Variants in GSPT1 observed in about 807,000 individuals in gnomAD.
The protein encoded by GSPT1 is eukaryotic peptide chain release factor GTP-binding subunit ERF3A.
A neutral mutation model predicts 72.5 loss-of-function variants in GSPT1; 20 were observed. The observed-to-expected ratio is 0.28, with a 90% CI of 0.19 to 0.40. The LOEUF is 0.40. Ranked by LOEUF, GSPT1 falls within the 10% of genes least tolerant of loss-of-function variation. The pLI is 1.00. For synonymous variants in GSPT1, 334 were observed against 293.5 expected, an observed-to-expected ratio of 1.14 and a Z score of -1.41; for missense variants, 580 against 811.9, an observed-to-expected ratio of 0.71 and a Z score of 3.47.
chr16:11,896,320 C>T (rs990675297), intron 4 of GSPT1, among the ~76,000 whole-genome samples: 9 of 152,108 alleles, frequency 5.9e-5, no homozygotes, highest in East Asian at 1.9e-4. Context: ...TTATATGTTA[C>T]GTACAATATA....
Position 11,873,173 on chromosome 16 carries a change from T to C in GSPT1, c.1862-2A>G. 1 of 1,541,574 alleles carries C rather than the reference T, an allele frequency of 6.5e-7. No homozygotes were observed. Among genetic ancestry groups the C allele is most frequent in the Non-Finnish European group, 9.0e-7 (1 of 1,115,774 alleles). On this transcript the variant is annotated splice_acceptor_variant, in intron 14 of 14. Coordinates refer to ENST00000434724, the MANE Select transcript of GSPT1 (RefSeq NM_002094.4). LOFTEE classifies it high-confidence loss of function. ...CTTTTCCAATTGCAATGGTCTTACC[T>C]AGAAATGAAATTTTAAAAAAATCTT...
chr16:11,898,131 G>A (rs2054363028), intron 1 of GSPT1, 96 bp from the exon 2 acceptor site: 6 of 755,952 alleles, frequency 7.9e-6, no homozygotes, highest in Admixed American at 2.1e-5. Flanking sequence ...TCAATAACAC[G>A]ACACAAGCCT....
At chr16:11,909,874 C>T (rs186624648) in intron 1 of GSPT1, among the ~76,000 whole-genome samples, 2 of 152,036 alleles carry the variant, frequency 1.3e-5, no homozygotes, top group East Asian at 3.9e-4. Context: ...TACGGTGAGC[C>T]GAGTTAGGGC....
chr16:11,900,924 G>A (rs1201919357), intron 1 of GSPT1, among the ~76,000 whole-genome samples: 13 of 152,148 alleles, frequency 8.5e-5, no homozygotes, highest in Admixed American at 8.5e-4. Context: ...ACCTCTGGGA[G>A]TCCAAGGTGG....
At chr16:11,875,159 A>G (rs568066185) in intron 14 of GSPT1, among the ~76,000 whole-genome samples, 7 of 152,282 alleles carry the variant, frequency 4.6e-5, no homozygotes, top group African/African-American at 1.7e-4. Context: ...ACTGCACTCC[A>G]GCCTGGGTGA....
chr16:11,901,620 A>AATAAAT, intron 1 of GSPT1, among the ~76,000 whole-genome samples: 1 of 147,230 alleles, frequency 6.8e-6, no homozygotes, highest in East Asian at 2.0e-4. Context: ...CACACACAAA[A>AATAAAT]ATATATATAT....
In GSPT1 at chr16:11,887,039, G is replaced by A. The variant is rs922689943; in HGVS notation, c.958-108C>T. 19 of 520,002 alleles carry A rather than the reference G, an allele frequency of 3.7e-5. No homozygotes were observed. In the South Asian group the frequency reaches 4.7e-4, roughly 13 times the overall value. 32.2% of individuals were successfully genotyped at this position (520,002 alleles called of 1,614,324 possible). On this transcript the variant is annotated intron_variant, in intron 7 of 14. Transcript: ENST00000434724. ...ATCACGAGTTTTTTTTTTTTTTTTT[G>A]CAAGAAAATAGAAGCAAACGAGTTA... is the stretch of plus-strand genomic sequence containing the variant.
intron 1 of GSPT1, among the ~76,000 whole-genome samples, chr16:11,905,167 G>C (rs1337230611): frequency 6.6e-6 from 1 of 152,198 alleles, no homozygotes; most frequent in Non-Finnish European, 1.5e-5. Flanking sequence ...ATCTGTCACA[G>C]AAGTGTCTCA....
intron 1 of GSPT1, among the ~76,000 whole-genome samples, chr16:11,911,308 G>T (rs2054553634): frequency 6.6e-6 from 1 of 152,180 alleles, no homozygotes; most frequent in Non-Finnish European, 1.5e-5. Flanking sequence ...TTAAAACTGA[G>T]AATATTCTAA....
intron 1 of GSPT1, among the ~76,000 whole-genome samples, chr16:11,898,505 G>GC (rs1046310566): frequency 2.8e-5 from 4 of 143,564 alleles, no homozygotes; most frequent in African/African-American, 7.9e-5. Context: ...GAGTTGGAGT[G>GC]CAATGGCACG....
chr16:11,873,103 G>A lies in GSPT1; in HGVS notation c.*16C>T. 1 of 1,516,730 alleles carries A rather than the reference G, an allele frequency of 6.6e-7. No individual in the cohort carries two copies. Among genetic ancestry groups the A allele is most frequent in the Non-Finnish European group, 9.2e-7 (1 of 1,091,634 alleles). The allele number at this position is 1,516,730 out of a possible 1,614,324, so 94.0% of individuals were successfully genotyped here. ...AATTTTCCTCACAGTATTGTGCAGG[G>A]TCATCAAGAAAATGCTTAGTCTTTC... On this transcript the variant is annotated 3_prime_UTR_variant, in exon 15 of 15. Transcript: ENST00000434724.
At chr16:11,876,785 A>G (rs1194377463) in intron 12 of GSPT1, among the ~76,000 whole-genome samples, 1 of 152,146 alleles carries the variant, frequency 6.6e-6, no homozygotes, top group African/African-American at 2.4e-5. Flanking sequence ...TTATCTGGGA[A>G]GACTTTCCTT....
chr16:11,915,924 G>GCAGCGGCA lies in GSPT1; in HGVS notation c.-205_-204insTGCCGCTG, dbSNP rs1555506606. On this transcript the variant is annotated 5_prime_UTR_variant, in exon 1 of 15. Coordinates refer to ENST00000434724, the MANE Select transcript of GSPT1 (RefSeq NM_002094.4). ...CGACGACGACAGAGGCGGCGGCGGC[G>GCAGCGGCA]GCAGCTCAACCCTCCTCCTCGTGTG... is the stretch of plus-strand genomic sequence containing the variant. 2 of 782,796 alleles carry GCAGCGGCA rather than the reference G, an allele frequency of 2.6e-6. No homozygotes were observed. Among genetic ancestry groups the GCAGCGGCA allele is most frequent in the Admixed American group, 1.7e-5 (1 of 57,992 alleles). 48.5% of individuals were successfully genotyped at this position (782,796 alleles called of 1,614,324 possible).
At chr16:11,886,997 T>A in intron 7 of GSPT1, 66 bp from the exon 8 acceptor site, 7 of 1,148,092 alleles carry the variant, frequency 6.1e-6, no homozygotes, top group Non-Finnish European at 6.2e-6. Flanking sequence ...CAGTAAAACA[T>A]CTTTCCTTTC....
rs1050085257 is a variant in GSPT1, at chr16:11,869,420, T to C, written c.*3699A>G. 3 of 152,210 alleles carry C rather than the reference T, an allele frequency of 2.0e-5. No individual in the cohort carries two copies. Among genetic ancestry groups the C allele is most frequent in the Non-Finnish European group, 2.9e-5 (2 of 68,028 alleles). The allele number at this position is 152,210 out of a possible 1,614,324, so 9.4% of individuals were successfully genotyped here. A position where few individuals can be genotyped will look rare whatever the true frequency, so the allele number is the denominator to read the frequency against. Reference sequence around the variant, plus strand: ...GAAATAAAAGCCTATTATTTGGAGATAGATAATTGTCCCCTGAATCCACTG... The same window carrying C: ...GAAATAAAAGCCTATTATTTGGAGACAGATAATTGTCCCCTGAATCCACTG... On this transcript the variant is annotated 3_prime_UTR_variant, in exon 15 of 15. Coordinates refer to ENST00000434724, the MANE Select transcript of GSPT1 (RefSeq NM_002094.4).
Position 11,883,149 on chromosome 16 carries a change from G to T in GSPT1, c.1348-54C>A, listed in dbSNP as rs73511655. 1.5e-3 allele frequency: 1,580 copies of T among 1,068,400 alleles called. 21 individuals carry two copies. The African/African-American group carries it at 0.021, about 14-fold the overall frequency. 66.2% of individuals were successfully genotyped at this position (1,068,400 alleles called of 1,614,324 possible). On this transcript the variant is annotated intron_variant, in intron 10 of 14. Coordinates refer to ENST00000434724, the MANE Select transcript of GSPT1 (RefSeq NM_002094.4). ...TCAGACTTCTTGGTGCTGTATAACA[G>T]CTCAATAGCCCAAAGTGAAATTCTA... is the stretch of plus-strand genomic sequence containing the variant.
At chr16:11,895,815 CG>C (rs1242137177) in intron 4 of GSPT1, among the ~76,000 whole-genome samples, 1 of 152,052 alleles carries the variant, frequency 6.6e-6, no homozygotes, top group Non-Finnish European at 1.5e-5. Flanking sequence ...TTAGTAGAGA[CG>C]GGGTTTCACC....
rs2054173237 is a variant in GSPT1 at position 11,885,184 on chromosome 16, G to A, written c.1344C>T (p.Tyr448=). Residue 448 remains tyrosine (Y), a synonymous_variant, in exon 10 of 15, where the codon TAC becomes TAT. Transcript: ENST00000434724. ...GPIRLPIVDK[Y]KDMGTVVLGK... ...ATTTCTTTAACATTTTGGGTACCTT[G>A]TACTTATCCACAATTGGCAGCCTGA... 2 of 1,494,248 alleles carry A rather than the reference G, an allele frequency of 1.3e-6. No homozygotes were observed. Among genetic ancestry groups the A allele is most frequent in the Admixed American group, 1.7e-5 (1 of 59,840 alleles). The allele number at this position is 1,494,248 out of a possible 1,614,324, so 92.6% of individuals were successfully genotyped here.
chr16:11,871,498 T>G lies in GSPT1; in HGVS notation c.*1621A>C, dbSNP rs1596451538. The stretch of plus-strand genomic sequence containing the variant: ...CAGGAAATTGCTTGAATCCGGGAGG[T>G]GGAGGCTGCAGTGAGCTGAGATCGA... On this transcript the variant is annotated 3_prime_UTR_variant, in exon 15 of 15. Coordinates refer to ENST00000434724, the MANE Select transcript of GSPT1 (RefSeq NM_002094.4). 2 of 152,220 alleles carry G rather than the reference T, an allele frequency of 1.3e-5. No homozygotes were observed. The highest frequency in any genetic ancestry group is 4.8e-5 in the African/African-American group (2 of 41,508). 9.4% of individuals were successfully genotyped at this position (152,220 alleles called of 1,614,324 possible).
Sources: gnomAD v4.1 joint callset for allele counts (sites outside exome capture counted in the v4.1 genomes callset) on GRCh38, gnomAD v4.1.1 for gene constraint, MANE v1.5 for transcripts, NCBI Gene and HGNC (gene_info 2026-07-23, HGNC 2026-07-21) for gene names.